The following DGKE variants were observed in gnomAD, a reference collection of about 807,000 sequenced individuals.
The protein encoded by DGKE is diacylglycerol kinase epsilon.
In DGKE, 53 loss-of-function variants were observed where a neutral mutation model predicts 70.0. That is an observed-to-expected ratio of 0.76 (90% CI 0.61 to 0.95). The LOEUF is 0.95. DGKE is among the 40% of genes least tolerant of loss of function. The probability of loss-of-function intolerance (pLI) is 0.00; values close to 1 mark genes in which losing one functional copy is unlikely to be tolerated. For synonymous variants in DGKE, 291 were observed against 257.0 expected, an observed-to-expected ratio of 1.13 and a Z score of -1.27; for missense variants, 655 against 706.9, an observed-to-expected ratio of 0.93 and a Z score of 0.83.
chr17:56,842,497 T>C (rs1907051117), intron 2 of DGKE, among the ~76,000 whole-genome samples: 1 of 152,258 alleles, frequency 6.6e-6, no homozygotes, highest in Non-Finnish European at 1.5e-5. Context: ...AAAGATATTA[T>C]ACTTCAGCCA....
At position 56,862,967 on chromosome 17, in the gene DGKE, A is replaced by G; in HGVS notation, c.*176A>G. Reference sequence around the variant, plus strand: ...AACCAGCCAGCCTTCAGTTATTTACAAATGTTTGTTCTTTTTTCAGCAAAA... The same window carrying G: ...AACCAGCCAGCCTTCAGTTATTTACGAATGTTTGTTCTTTTTTCAGCAAAA... On this transcript the variant is annotated 3_prime_UTR_variant, in exon 12 of 12. Transcript: ENST00000284061. The G allele has an allele frequency of 2.1e-6, 1 of 474,040 alleles. No individual in the cohort carries two copies. The highest frequency in any genetic ancestry group is 3.6e-5 in the East Asian group (1 of 28,106). The allele number at this position is 474,040 out of a possible 1,614,324, so 29.4% of individuals were successfully genotyped here. A position where few individuals can be genotyped will look rare whatever the true frequency, so the allele number is the denominator to read the frequency against.
At chr17:56,861,224 C>G (rs1908270036) in intron 9 of DGKE, among the ~76,000 whole-genome samples, 1 of 151,548 alleles carries the variant, frequency 6.6e-6, no homozygotes, top group Admixed American at 6.6e-5. Flanking sequence ...GTGAGTTAAC[C>G]TACTTAACCA....
At position 56,869,383 on chromosome 17, in the gene DGKE, C is replaced by T. The variant is rs1174156852; in HGVS notation, c.*6592C>T. 1 of 152,188 alleles carries T rather than the reference C, an allele frequency of 6.6e-6. No individual in the cohort carries two copies. Among genetic ancestry groups the T allele is most frequent in the African/African-American group, 2.4e-5 (1 of 41,432 alleles). 9.4% of individuals were successfully genotyped at this position (152,188 alleles called of 1,614,324 possible). A position where few individuals can be genotyped will look rare whatever the true frequency, so the allele number is the denominator to read the frequency against. ...GGCAGAACTGTGTGTTTCCTTCCAT[C>T]TGGATTTTCATAAAGCTTTCTGATT... On this transcript the variant is annotated 3_prime_UTR_variant, in exon 12 of 12. Transcript: ENST00000284061.
chr17:56,843,893 T>C, intron 2 of DGKE, 126 bp from the exon 3 acceptor site: 1 of 912,236 alleles, frequency 1.1e-6, no homozygotes, highest in Non-Finnish European at 1.6e-6. Flanking sequence ...TATATTTTAT[T>C]TGCCAAATGT....
rs1908425663 is a variant in DGKE at position 56,863,926 on chromosome 17, A to G, written c.*1135A>G. 6.6e-6 allele frequency: 1 copy of G among 152,238 alleles called. No homozygotes were observed. Among genetic ancestry groups the G allele is most frequent in the Admixed American group, 6.5e-5 (1 of 15,292 alleles). 9.4% of individuals were successfully genotyped at this position (152,238 alleles called of 1,614,324 possible). ...TTCTGCTAGTCACAATCAGATAGAA[A>G]TTTAGTCTATTAATTAAAATTCTAA... On this transcript the variant is annotated 3_prime_UTR_variant, in exon 12 of 12. Coordinates refer to ENST00000284061, the MANE Select transcript of DGKE (RefSeq NM_003647.3).
intron 2 of DGKE, among the ~76,000 whole-genome samples, chr17:56,837,009 T>G (rs373917041): frequency 2.4e-4 from 37 of 152,298 alleles, no homozygotes; most frequent in African/African-American, 7.9e-4. Flanking sequence ...CAGTTTTTCC[T>G]TTTTGGTGAT....
At position 56,834,805 on chromosome 17, in the gene DGKE, G is replaced by A. The variant is rs765790817; in HGVS notation, c.10G>A (p.Glu4Lys). ...ATCGTCCTTGGAGAAGATGGAAGCGGAGAGGCGGCCGGCGCCGGGCTCGCC... is the reference window on the plus strand; with the variant it reads ...ATCGTCCTTGGAGAAGATGGAAGCGAAGAGGCGGCCGGCGCCGGGCTCGCC... The part of the protein sequence containing the change: MEA[E>K]RRPAPGSPSE... Residue 4 changes from glutamate (E) to lysine (K), a missense_variant, in exon 2 of 12, where the codon GAG (glutamate) becomes AAG (lysine). Glu to Lys is a moderately conservative substitution (Grantham distance 56). Transcript: ENST00000284061. The A allele has an allele frequency of 1.2e-6, 2 of 1,602,532 alleles. No individual in the cohort carries two copies. Among genetic ancestry groups the A allele is most frequent in the Non-Finnish European group, 1.7e-6 (2 of 1,175,178 alleles).
rs759571498 is a variant in DGKE, at chr17:56,862,779, G to A, written c.1692G>A (p.Lys564=). Residue 564 remains lysine, a synonymous_variant, in exon 12 of 12, where the codon AAG becomes AAA. Coordinates refer to ENST00000284061, the MANE Select transcript of DGKE (RefSeq NM_003647.3). ...ISSTSDQEDI[K]ATE is the part of the protein sequence containing the mutation. ...GTACTTCGGATCAAGAAGATATAAAGGCGACTGAATAGATGGATGAGGGAG... is the reference window on the plus strand; with the variant it reads ...GTACTTCGGATCAAGAAGATATAAAAGCGACTGAATAGATGGATGAGGGAG... 6.3e-7 allele frequency: 1 copy of A among 1,576,552 alleles called. No homozygotes were observed. Among genetic ancestry groups the A allele is most frequent in the Non-Finnish European group, 8.6e-7 (1 of 1,168,288 alleles).
At chr17:56,854,407 C>T (rs1907826550) in intron 7 of DGKE, among the ~76,000 whole-genome samples, 1 of 151,970 alleles carries the variant, frequency 6.6e-6, no homozygotes, top group South Asian at 2.1e-4. Flanking sequence ...CTCTAGGGCT[C>T]AAGTGATCTT....
Position 56,835,010 on chromosome 17 carries a change from C to A in DGKE, c.215C>A (p.Thr72Asn). The change falls in exon 2 of 12, where the codon ACC becomes AAC. Residue 72 changes from threonine (T) to asparagine (N), a missense_variant. By Grantham distance (65) the Thr-to-Asn change is moderately conservative. Coordinates refer to ENST00000284061, the MANE Select transcript of DGKE (RefSeq NM_003647.3). ...WRDTDLFSQPTYCCVCAQHIL... is the reference protein window; with the variant it reads ...WRDTDLFSQPNYCCVCAQHIL... Reference sequence around the variant, plus strand: ...GACACGGACCTGTTCAGCCAGCCCACCTACTGCTGCGTGTGCGCGCAGCAC... The same window carrying A: ...GACACGGACCTGTTCAGCCAGCCCAACTACTGCTGCGTGTGCGCGCAGCAC... 6.2e-7 allele frequency: 1 copy of A among 1,612,832 alleles called. No individual in the cohort carries two copies. The highest frequency in any genetic ancestry group is 2.2e-5 in the East Asian group (1 of 44,872).
chr17:56,842,329 A>C (rs956625251), intron 2 of DGKE, among the ~76,000 whole-genome samples: 4 of 152,102 alleles, frequency 2.6e-5, no homozygotes, highest in African/African-American at 9.7e-5. Flanking sequence ...CAAGGAATAC[A>C]TACAAAAAAA....
chr17:56,845,999 A>T lies in DGKE; in HGVS notation c.744+190A>T, dbSNP rs977650202. On this transcript the variant is annotated intron_variant, in intron 4 of 11. Coordinates refer to ENST00000284061, the MANE Select transcript of DGKE (RefSeq NM_003647.3). ...TAAAATGGTACAACCTCTTTAGAAG[A>T]CATCTTGGCAGTTTCTTAAAAAGAT... 52 of 445,064 alleles carry T rather than the reference A, an allele frequency of 1.2e-4. 1 individual carries two copies. The Admixed American group carries it at 2.1e-3, about 18-fold the overall frequency. 27.6% of individuals were successfully genotyped at this position (445,064 alleles called of 1,614,324 possible). A position where few individuals can be genotyped will look rare whatever the true frequency, so the allele number is the denominator to read the frequency against.
At chr17:56,839,203 G>C (rs537807653) in intron 2 of DGKE, among the ~76,000 whole-genome samples, 1 of 152,240 alleles carries the variant, frequency 6.6e-6, no homozygotes, top group South Asian at 2.1e-4. Context: ...TATGGAAAGA[G>C]AATATTGTGG....
intron 7 of DGKE, among the ~76,000 whole-genome samples, chr17:56,850,800 A>G (rs1907600849): frequency 6.6e-6 from 1 of 152,198 alleles, no homozygotes; most frequent in Admixed American, 6.5e-5. Context: ...CACTGCAGAA[A>G]ACCAAGAAAG....
chr17:56,859,257 G>A (rs1178665796), intron 9 of DGKE, among the ~76,000 whole-genome samples: 2 of 151,310 alleles, frequency 1.3e-5, no homozygotes, highest in African/African-American at 4.9e-5. Flanking sequence ...CCCGGGAGGC[G>A]GAGCTTGCAG....
chr17:56,845,634 A>G lies in DGKE; in HGVS notation c.625-56A>G, dbSNP rs968978764. 142 of 1,542,638 alleles carry G rather than the reference A, an allele frequency of 9.2e-5. 3 individuals carry two copies. In the South Asian group the frequency reaches 1.7e-3, roughly 18 times the overall value. ...CACCATTGTTCTCAAGGCATGGAAA[A>G]TGTGCTTTTCATCTTTAAGATACTA... On this transcript the variant is annotated intron_variant, in intron 3 of 11. Transcript: ENST00000284061.
intron 4 of DGKE, 199 bp downstream of exon 4, chr17:56,846,008 C>A: frequency 2.4e-6 from 1 of 412,886 alleles, no homozygotes; most frequent in Non-Finnish European, 4.0e-6. Flanking sequence ...GACATCTTGG[C>A]AGTTTCTTAA....
At chr17:56,854,761 TTTATC>T (rs1676223407) in intron 7 of DGKE, among the ~76,000 whole-genome samples, 1 of 152,186 alleles carries the variant, frequency 6.6e-6, no homozygotes, top group Admixed American at 6.5e-5. Flanking sequence ...TTTAAAAATA[TTTATC>T]TTATCAGAGA....
rs1270156323 is a variant in DGKE, at chr17:56,866,658, TG to T, written c.*3872del. On this transcript the variant is annotated 3_prime_UTR_variant, in exon 12 of 12. Coordinates refer to ENST00000284061, the MANE Select transcript of DGKE (RefSeq NM_003647.3). ...TTTTGGACTGTGACCCATGCAGTGT[TG>T]GGGGACAAGGAGTTGCTTCAGGAGT... 1 of 152,320 alleles carries T rather than the reference TG, an allele frequency of 6.6e-6. No homozygotes were observed. Among genetic ancestry groups the T allele is most frequent in the East Asian group, 1.9e-4 (1 of 5,188 alleles). The allele number at this position is 152,320 out of a possible 1,614,324, so 9.4% of individuals were successfully genotyped here.
Sources: allele counts gnomAD v4.1 joint callset (sites outside exome capture counted in the v4.1 genomes callset), GRCh38; gene constraint gnomAD v4.1.1; transcripts MANE v1.5; gene names NCBI Gene and HGNC (gene_info 2026-07-23, HGNC 2026-07-21).